ADGRV1: variants seen among roughly 807,000 people sequenced by gnomAD.
The protein encoded by ADGRV1 is adhesion G protein-coupled receptor V1, also known as G-protein coupled receptor 98.
ADGRV1 carries 359 observed loss-of-function variants against 596.2 expected under a neutral mutation model. That is an observed-to-expected ratio of 0.60 (90% CI 0.55 to 0.66). ADGRV1 has a LOEUF of 0.66. Ranked by LOEUF, ADGRV1 falls within the 30% of genes least tolerant of loss-of-function variation. The pLI, the probability that ADGRV1 is intolerant of heterozygous loss-of-function variation, is 0.00. For missense variants in ADGRV1, 7,274 were observed against 7,575.6 expected (o/e 0.96, Z 1.48); for synonymous variants, 2,681 against 2,679.2 (o/e 1.00, Z -0.02).
intron 86 of ADGRV1, among the ~76,000 whole-genome samples, chr5:91,088,453 A>G (rs914518708): frequency 4.6e-5 from 7 of 152,208 alleles, no homozygotes; most frequent in African/African-American, 1.4e-4. Flanking sequence ...TGGAAACAAA[A>G]CAAGAATGTA....
At chr5:90,591,625 C>T (rs1759521559) in intron 1 of ADGRV1, among the ~76,000 whole-genome samples, 1 of 151,182 alleles carries the variant, frequency 6.6e-6, no homozygotes, top group Admixed American at 6.6e-5. Flanking sequence ...TAACTGACCA[C>T]TAGGGAATTG....
intron 74 of ADGRV1, among the ~76,000 whole-genome samples, chr5:90,811,976 T>C (rs1402114925): frequency 6.6e-6 from 1 of 151,024 alleles, no homozygotes; most frequent in African/African-American, 2.4e-5. Context: ...TTGCCCAGGC[T>C]GTAGTGCAGT....
intron 25 of ADGRV1, 141 bp downstream of exon 25, chr5:90,676,350 C>A (rs1186935966): frequency 4.3e-6 from 3 of 690,506 alleles, no homozygotes; most frequent in South Asian, 2.3e-5. Flanking sequence ...AAGAGAGCAG[C>A]CTGAAAGTTA....
chr5:91,029,301 A>T (rs1033983786), intron 85 of ADGRV1, among the ~76,000 whole-genome samples: 12 of 152,214 alleles, frequency 7.9e-5, no homozygotes, highest in African/African-American at 2.9e-4. Context: ...TCCAAATGAT[A>T]TGCATAACTT....
chr5:90,974,371 C>A lies in ADGRV1; in HGVS notation c.17973+8840C>A, dbSNP rs1168793101. Among the ~76,000 whole-genome samples, 2 of 152,162 alleles carry A rather than the reference C, an allele frequency of 1.3e-5. 1 individual carries two copies. Among genetic ancestry groups the A allele is most frequent in the African/African-American group, 4.8e-5 (2 of 41,540 alleles). On this transcript the variant is annotated intron_variant, in intron 84 of 89. Transcript: ENST00000405460. ...CTACTTTAAAGTTCATATGGAACCA[C>A]GAAAGAGCCTGCACTGCCAAGACAA...
intron 85 of ADGRV1, among the ~76,000 whole-genome samples, chr5:91,027,741 A>G (rs1300263640): frequency 1.3e-5 from 2 of 152,212 alleles, no homozygotes; most frequent in African/African-American, 4.8e-5. Flanking sequence ...GTTCTCTTTC[A>G]CACAGCAGAG....
chr5:90,910,554 TCTATCTATCTATCTATCTATC>T (rs2150687741), intron 83 of ADGRV1, among the ~76,000 whole-genome samples: 1 of 11,240 alleles, frequency 8.9e-5, no homozygotes, highest in African/African-American at 2.2e-4. Flanking sequence ...ATATATATTA[TCTATCTATCTATCTATCTATC>T]TATCTATCTA....
chr5:90,625,469 G>A (rs147181478), intron 6 of ADGRV1: 12 of 353,980 alleles, frequency 3.4e-5, no homozygotes, highest in African/African-American at 1.9e-4. Context: ...AAATATTTAA[G>A]CATTTTGTAT....
intron 84 of ADGRV1, among the ~76,000 whole-genome samples, chr5:90,977,625 ACAAT>A (rs1335916719): frequency 1.3e-5 from 2 of 152,210 alleles, no homozygotes; most frequent in Non-Finnish European, 2.9e-5. Flanking sequence ...ATGGCCTATG[ACAAT>A]CAAAACACTT....
rs727503074 is a variant in ADGRV1, at chr5:90,675,443, C to G, written c.5311C>G (p.Gln1771Glu). The G allele has an allele frequency of 2.2e-5, 35 of 1,611,702 alleles. No homozygotes were observed. Among genetic ancestry groups the G allele is most frequent in the Non-Finnish European group, 2.9e-5 (34 of 1,178,732 alleles). The change falls in exon 24 of 90, where the codon CAG (glutamine) becomes GAG (glutamate). Residue 1771 changes from glutamine to glutamate, a missense_variant and splice_region_variant. Physicochemically the swap from Gln to Glu is conservative, Grantham distance 29. Coordinates refer to ENST00000405460, the MANE Select transcript of ADGRV1 (RefSeq NM_032119.4). ...SLTAFSPEDYQNVAGTLEFQP... is the reference protein window; with the variant it reads ...SLTAFSPEDYENVAGTLEFQP... ...GACAGCATTCAGTCCTGAGGATTAC[C>G]AGGTAATTTACTCAGTCCTTTTGAA...
chr5:91,057,175 A>C (rs1562155249), intron 85 of ADGRV1, among the ~76,000 whole-genome samples: 1 of 152,266 alleles, frequency 6.6e-6, no homozygotes, highest in Non-Finnish European at 1.5e-5. Context: ...GTTGTTTAAA[A>C]GCACATGATA....
At chr5:91,126,717 G>C (rs564353558) in intron 87 of ADGRV1, among the ~76,000 whole-genome samples, 1 of 152,230 alleles carries the variant, frequency 6.6e-6, no homozygotes, top group East Asian at 1.9e-4. Context: ...TCAGTGGAAG[G>C]GTTCCAAGTT....
At chr5:90,863,899 G>A (rs998405830) in intron 83 of ADGRV1, 42 bp downstream of exon 83, 3 of 1,246,402 alleles carry the variant, frequency 2.4e-6, no homozygotes, top group Non-Finnish European at 3.5e-6. Context: ...TGAGATGTTT[G>A]TGTTTCTTCT....
intron 25 of ADGRV1, among the ~76,000 whole-genome samples, chr5:90,678,401 C>A (rs528636383): frequency 6.6e-6 from 1 of 151,622 alleles, no homozygotes; most frequent in Non-Finnish European, 1.5e-5. Context: ...AAAGGTATAA[C>A]CACTTTCTCT....
intron 85 of ADGRV1, among the ~76,000 whole-genome samples, chr5:91,009,934 T>C (rs1782590219): frequency 6.6e-6 from 1 of 152,062 alleles, no homozygotes; most frequent in African/African-American, 2.4e-5. Context: ...ACAAATTTCA[T>C]GTGTTTCTTA....
At position 90,755,114 on chromosome 5, in the gene ADGRV1, G is replaced by A. The variant is rs756810095; in HGVS notation, c.11509G>A (p.Val3837Ile). The change falls in exon 55 of 90, where the codon GTA becomes ATA. Residue 3837 changes from valine (V) to isoleucine (I), a missense_variant. Physicochemically the swap from Val to Ile is conservative, Grantham distance 29. This residue lies in a region of ADGRV1 where 3,643 missense variants were observed against 3,809.2 expected (regional missense o/e 0.96). Transcript: ENST00000405460. ...DNQATENEDY[V>I]LQETIIIMKE... Reference sequence around the variant, plus strand: ...TCAAGCTACTGAGAATGAAGATTATGTATTGCAAGAAACAATAATAATAAT... The same window carrying A: ...TCAAGCTACTGAGAATGAAGATTATATATTGCAAGAAACAATAATAATAAT... 5.0e-6 allele frequency: 8 copies of A among 1,610,716 alleles called. No homozygotes were observed. The highest frequency in any genetic ancestry group is 6.8e-6 in the Non-Finnish European group (8 of 1,177,488).
intron 50 of ADGRV1, among the ~76,000 whole-genome samples, chr5:90,738,545 C>T (rs145725295): frequency 3.4e-3 from 514 of 152,176 alleles, no homozygotes; most frequent in African/African-American, 0.011. Context: ...ATTTAATTCT[C>T]TCTTGTTTCT....
At chr5:90,800,377 C>G (rs1761225290) in intron 70 of ADGRV1, among the ~76,000 whole-genome samples, 1 of 152,150 alleles carries the variant, frequency 6.6e-6, no homozygotes, top group Non-Finnish European at 1.5e-5. Context: ...CAATGAGATA[C>G]TATCTCACAC....
intron 45 of ADGRV1, among the ~76,000 whole-genome samples, chr5:90,723,448 C>T (rs766864899): frequency 1.3e-5 from 2 of 152,164 alleles, no homozygotes; most frequent in Admixed American, 6.5e-5. Flanking sequence ...TTCTGCATTA[C>T]GCTTGGACTT....
Sources: gnomAD v4.1 joint callset for allele counts (sites outside exome capture counted in the v4.1 genomes callset) on GRCh38, gnomAD v4.1.1 for gene constraint, gnomAD v4.1.1 regional missense constraint, MANE v1.5 for transcripts, NCBI Gene and HGNC (gene_info 2026-07-23, HGNC 2026-07-21) for gene names.